Variants in COA1 observed in about 807,000 individuals in gnomAD.
COA1 encodes cytochrome c oxidase assembly factor 1.
A neutral mutation model predicts 16.0 loss-of-function variants in COA1; 13 were observed. That is an observed-to-expected ratio of 0.81 (90% CI 0.53 to 1.29). The LOEUF is 1.29. Ranked by LOEUF, COA1 falls within the 50% of genes most tolerant of loss-of-function variation. COA1 has a pLI of 0.00. For synonymous variants in COA1, 65 were observed against 65.7 expected (o/e 0.99, Z 0.05); for missense variants, 179 against 177.0 (o/e 1.01, Z -0.06).
intron 1 of COA1, among the ~76,000 whole-genome samples, chr7:43,661,609 C>T (rs1337379487): frequency 6.7e-6 from 1 of 148,910 alleles, no homozygotes; most frequent in Non-Finnish European, 1.5e-5. Flanking sequence ...CGCACTCCAG[C>T]CTGGGCGATA....
chr7:43,660,182 C>G (rs949667009), intron 1 of COA1, among the ~76,000 whole-genome samples: 2 of 152,168 alleles, frequency 1.3e-5, no homozygotes, highest in African/African-American at 4.8e-5. Context: ...TCCTACTCCC[C>G]GACCCCAAGA....
At chr7:43,627,649 C>T (rs1407948686) in intron 6 of COA1, among the ~76,000 whole-genome samples, 4 of 152,230 alleles carry the variant, frequency 2.6e-5, no homozygotes, top group Non-Finnish European at 5.9e-5. Flanking sequence ...TTGGCCACCT[C>T]ATCCATTCTA....
At chr7:43,642,462 T>A (rs13245515) in intron 4 of COA1, among the ~76,000 whole-genome samples, 22,341 of 152,026 alleles carry the variant, frequency 0.15, 2,189 homozygotes, top group Non-Finnish European at 0.21. Context: ...GAAAAAATTT[T>A]AAAAAAGAAC....
chr7:43,646,066 C>A, intron 3 of COA1: 1 of 154,162 alleles, frequency 6.5e-6, no homozygotes, highest in East Asian at 1.9e-4. Context: ...TAATCAGCTG[C>A]CCAAAGGAGG....
At chr7:43,726,408 C>T (rs913480558) in intron 1 of COA1, among the ~76,000 whole-genome samples, 2 of 152,104 alleles carry the variant, frequency 1.3e-5, no homozygotes, top group Non-Finnish European at 2.9e-5. Flanking sequence ...GTCCTGACTA[C>T]ACAAAAATGT....
At chr7:43,715,670 TA>T (rs1264109254) in intron 1 of COA1, among the ~76,000 whole-genome samples, 1 of 152,172 alleles carries the variant, frequency 6.6e-6, no homozygotes, top group African/African-American at 2.4e-5. Flanking sequence ...ATTCCTCTCC[TA>T]AAGTATTTAC....
intron 6 of COA1, chr7:43,625,753 C>CAGAGAGAGAGAGAGAGAGAGAG (rs3832501): frequency 3.2e-4 from 48 of 149,578 alleles, no homozygotes; most frequent in Non-Finnish European, 5.9e-4. Flanking sequence ...TCCCCTAGAG[C>CAGAGAGAGAGAGAGAGAGAGAG]AGAGAGAGAG....
Position 43,645,413 on chromosome 7 carries a change from AC to A in COA1, c.116-15del. 6.2e-7 allele frequency: 1 copy of A among 1,613,290 alleles called. No homozygotes were observed. The highest frequency in any genetic ancestry group is 8.5e-7 in the Non-Finnish European group (1 of 1,179,318). ...TGGAATGAAACTCTAAGGACGAAAG[AC>A]ACACTTATTTTCTTTATTGAACTTG... On this transcript the variant is annotated splice_polypyrimidine_tract_variant and intron_variant, in intron 3 of 5. Transcript: ENST00000223336.
At chr7:43,688,571 A>C (rs905201738) in intron 1 of COA1, among the ~76,000 whole-genome samples, 1 of 152,218 alleles carries the variant, frequency 6.6e-6, no homozygotes, top group African/African-American at 2.4e-5. Flanking sequence ...CAGCCACATA[A>C]GACAAGAACA....
intron 6 of COA1, chr7:43,623,507 C>A: frequency 7.1e-7 from 1 of 1,403,294 alleles, no homozygotes; most frequent in South Asian, 1.2e-5. Context: ...AGTTTTTTAT[C>A]TCTTAGAGCA....
chr7:43,716,768 C>T (rs970503738), intron 1 of COA1, among the ~76,000 whole-genome samples: 4 of 152,118 alleles, frequency 2.6e-5, no homozygotes, highest in Non-Finnish European at 4.4e-5. Flanking sequence ...CATCACAGGA[C>T]GAGAGGCCCA....
At chr7:43,627,886 T>C (rs937912049) in intron 6 of COA1, among the ~76,000 whole-genome samples, 1 of 152,240 alleles carries the variant, frequency 6.6e-6, no homozygotes, top group African/African-American at 2.4e-5. Context: ...GTTGGAATCA[T>C]ACAGCATGCA....
rs2095665450 is a variant in COA1, at chr7:43,728,465, A to G, written c.-39+964T>C. Reference sequence around the variant, plus strand: ...ACAAAAATTAAAACTTGAGTAAACCATATAAAACTTTGCCATATCTAAAGT... The same window carrying G: ...ACAAAAATTAAAACTTGAGTAAACCGTATAAAACTTTGCCATATCTAAAGT... On this transcript the variant is annotated intron_variant, in intron 1 of 5. Transcript: ENST00000223336. Among the ~76,000 whole-genome samples the G allele has an allele frequency of 5.9e-5, 9 of 152,350 alleles. No homozygotes were observed. The South Asian group carries it at 1.9e-3, about 32-fold the overall frequency.
chr7:43,685,868 CAA>C (rs1275917366), intron 1 of COA1, among the ~76,000 whole-genome samples: 3 of 152,156 alleles, frequency 2.0e-5, no homozygotes, highest in African/African-American at 7.2e-5. Context: ...GTAAACACCT[CAA>C]AGTCACCAAG....
chr7:43,652,117 G>A (rs11766602), intron 1 of COA1, among the ~76,000 whole-genome samples: 17,394 of 152,234 alleles, frequency 0.11, 1,092 homozygotes, highest in Admixed American at 0.19. Flanking sequence ...ATCTGCAGCC[G>A]GGCTTGGGAA....
chr7:43,706,275 C>A (rs891604320), intron 1 of COA1, among the ~76,000 whole-genome samples: 7 of 152,130 alleles, frequency 4.6e-5, no homozygotes. Context: ...CAGTGGCTCA[C>A]GCCTGTAATC....
chr7:43,683,232 A>T (rs561214714), intron 1 of COA1, among the ~76,000 whole-genome samples: 1 of 152,204 alleles, frequency 6.6e-6, no homozygotes, highest in African/African-American at 2.4e-5. Flanking sequence ...CAAATTAAGA[A>T]AAGTCATATA....
intron 1 of COA1, among the ~76,000 whole-genome samples, chr7:43,706,352 T>C (rs2094973733): frequency 6.6e-6 from 1 of 150,542 alleles, no homozygotes; most frequent in Non-Finnish European, 1.5e-5. Flanking sequence ...CTGAGGAACA[T>C]GGCAAAACCC....
chr7:43,643,977 C>G (rs2087946456), intron 4 of COA1, among the ~76,000 whole-genome samples: 1 of 152,180 alleles, frequency 6.6e-6, no homozygotes. Flanking sequence ...CTTCTGCTGC[C>G]AGAGTCAAGC....
Sources: allele counts gnomAD v4.1 joint callset (sites outside exome capture counted in the v4.1 genomes callset), GRCh38; gene constraint gnomAD v4.1.1; transcripts MANE v1.5; gene names NCBI Gene and HGNC (gene_info 2026-07-23, HGNC 2026-07-21).